Variants in PAK1 observed in about 807,000 individuals in gnomAD.
PAK1 encodes p21 (RAC1) activated kinase 1, also known as serine/threonine-protein kinase PAK 1.
Under a neutral mutation model 67.4 loss-of-function variants are expected in PAK1, and 29 were observed. The observed-to-expected ratio is 0.43, with a 90% CI of 0.32 to 0.59. PAK1 has a LOEUF of 0.59. PAK1 is among the 20% of genes least tolerant of loss of function. The pLI is 0.07. For missense variants in PAK1, 337 were observed against 670.7 expected (o/e 0.50, Z 5.50); for synonymous variants, 223 against 237.4 (o/e 0.94, Z 0.56).
chr11:77,479,602 C>CAT, upstream of PAK1, among the ~76,000 whole-genome samples: 1 of 80,538 alleles, frequency 1.2e-5, no homozygotes, highest in Non-Finnish European at 2.2e-5. Context: ...GAAAAATAAA[C>CAT]TTTTTTTTTT....
intron 1 of PAK1, among the ~76,000 whole-genome samples, chr11:77,465,928 G>A (rs2135530469): frequency 6.6e-6 from 1 of 152,292 alleles, no homozygotes; most frequent in South Asian, 2.1e-4. Context: ...CAACCTGGAT[G>A]ACAGAGCAAG....
At chr11:77,382,972 G>A (rs1466526108) in intron 2 of PAK1, among the ~76,000 whole-genome samples, 1 of 152,156 alleles carries the variant, frequency 6.6e-6, no homozygotes, top group Non-Finnish European at 1.5e-5. Flanking sequence ...ACTCCAGCCT[G>A]GGTGACAGAG....
intron 1 of PAK1, among the ~76,000 whole-genome samples, chr11:77,453,951 C>T (rs914622871): frequency 1.3e-5 from 2 of 152,172 alleles, no homozygotes; most frequent in African/African-American, 4.8e-5. Context: ...GGTATGGTGG[C>T]ACGTGCCTGT....
At chr11:77,339,307 G>A (rs1474274915) in intron 11 of PAK1, among the ~76,000 whole-genome samples, 3 of 151,836 alleles carry the variant, frequency 2.0e-5, no homozygotes, top group Non-Finnish European at 2.9e-5. Flanking sequence ...GTGAAACTTC[G>A]TTCCTGAGGG....
At chr11:77,363,673 CTT>C (rs1371933217) in intron 5 of PAK1, among the ~76,000 whole-genome samples, 1 of 152,128 alleles carries the variant, frequency 6.6e-6, no homozygotes, top group Non-Finnish European at 1.5e-5. Context: ...TGTCCTTTAT[CTT>C]TTTAAAAATA....
intron 1 of PAK1, among the ~76,000 whole-genome samples, chr11:77,428,938 G>A (rs1955706579): frequency 6.6e-6 from 1 of 151,414 alleles, no homozygotes. Context: ...CCTGTGATGG[G>A]GGTGTCAGAA....
rs775839991 is a variant in PAK1, at chr11:77,392,485, G to A, written c.36C>T (p.Pro12=). The change falls in exon 2 of 15, where the codon CCC becomes CCT. Residue 12 remains proline, a synonymous_variant. Coordinates refer to ENST00000356341, the MANE Select transcript of PAK1 (RefSeq NM_002576.5). ...TGGTATTTCTCATCGGAGGGGCTGGGGGTTTGTCTTGAATGTCTAGGCCGT... is the reference window on the plus strand; with the variant it reads ...TGGTATTTCTCATCGGAGGGGCTGGAGGTTTGTCTTGAATGTCTAGGCCGT... The part of the protein sequence containing the change: ...SNNGLDIQDK[P]PAPPMRNTST... 6.2e-7 allele frequency: 1 copy of A among 1,613,270 alleles called. No individual in the cohort carries two copies. Among genetic ancestry groups the A allele is most frequent in the Admixed American group, 1.7e-5 (1 of 59,960 alleles).
chr11:77,395,359 T>C (rs779167340), intron 1 of PAK1, among the ~76,000 whole-genome samples: 41 of 152,338 alleles, frequency 2.7e-4, no homozygotes, highest in Non-Finnish European at 5.1e-4. Context: ...CCAACAATGC[T>C]TTATATAGTA....
intron 2 of PAK1, among the ~76,000 whole-genome samples, chr11:77,385,750 G>A (rs113117715): frequency 0.066 from 10,004 of 152,066 alleles, 1,145 homozygotes; most frequent in African/African-American, 0.23. Flanking sequence ...CCAGCTACTC[G>A]GGAGGCTGAG....
chr11:77,415,831 G>C (rs1225255892), intron 1 of PAK1, among the ~76,000 whole-genome samples: 1 of 151,780 alleles, frequency 6.6e-6, no homozygotes, highest in Admixed American at 6.6e-5. Flanking sequence ...TTAACTTCCT[G>C]TAAGTTTTTA....
At chr11:77,343,669 T>C (rs976336091) in intron 10 of PAK1, 150 bp downstream of exon 10, 2 of 621,700 alleles carry the variant, frequency 3.2e-6, no homozygotes, top group East Asian at 2.7e-5. Flanking sequence ...TGTCCAGCAT[T>C]ACACAGGGTC....
intron 2 of PAK1, among the ~76,000 whole-genome samples, chr11:77,385,663 C>G (rs1950353408): frequency 1.3e-5 from 2 of 152,050 alleles, no homozygotes; most frequent in South Asian, 4.1e-4. Flanking sequence ...CAAGACCAGC[C>G]TGGCCAACAT....
intron 1 of PAK1, among the ~76,000 whole-genome samples, chr11:77,458,684 T>G (rs775286372): frequency 4.6e-5 from 7 of 152,142 alleles, no homozygotes; most frequent in Non-Finnish European, 7.3e-5. Flanking sequence ...CAGGGAGGAA[T>G]GTTTGAGTGG....
intron 1 of PAK1, among the ~76,000 whole-genome samples, chr11:77,465,393 A>G (rs923276035): frequency 1.3e-5 from 2 of 152,160 alleles, no homozygotes; most frequent in Non-Finnish European, 2.9e-5. Context: ...GAGACTCTAT[A>G]TAAAAGGGTT....
intron 1 of PAK1, among the ~76,000 whole-genome samples, chr11:77,437,185 A>C (rs1329230020): frequency 6.6e-6 from 1 of 152,210 alleles, no homozygotes; most frequent in Non-Finnish European, 1.5e-5. Context: ...ATCTGTTCCC[A>C]TCTGTAAAAC....
At chr11:77,434,933 AT>A (rs1023544549) in intron 1 of PAK1, among the ~76,000 whole-genome samples, 3 of 148,818 alleles carry the variant, frequency 2.0e-5, no homozygotes, top group African/African-American at 4.9e-5. Context: ...TAATTTTTGA[AT>A]TTTTTTTTTG....
rs769876664 is a variant in PAK1, at chr11:77,336,218, G to T, written c.1281C>A (p.Thr427=). The change falls in exon 13 of 15, where the codon ACC becomes ACA. Residue 427 remains threonine, a synonymous_variant. Transcript: ENST00000356341. ...EQSKRSTMVG[T]PYWMAPEVVT... ...CAACCTCTGGTGCCATCCAGTATGGGGTTCCTACCATGGTGCTCCGTTTGC... is the reference window on the plus strand; with the variant it reads ...CAACCTCTGGTGCCATCCAGTATGGTGTTCCTACCATGGTGCTCCGTTTGC... The T allele has an allele frequency of 6.2e-7, 1 of 1,614,000 alleles. No individual in the cohort carries two copies. The highest frequency in any genetic ancestry group is 2.2e-5 in the East Asian group (1 of 44,888).
chr11:77,507,129 G>C, the PAK1 span, among the ~76,000 whole-genome samples: 2 of 152,224 alleles, frequency 1.3e-5, no homozygotes, highest in Non-Finnish European at 2.9e-5. Context: ...GAGCTACACA[G>C]CTGGTCAGCA....
At position 77,371,434 on chromosome 11, in the gene PAK1, T is replaced by G. The variant is rs191955375; in HGVS notation, c.477+2894A>C. ...GGATTAAGACAGTGCACGTTCATTT[T>G]TGTGTCACTTGTATTTTGGCATAAA... On this transcript the variant is annotated intron_variant, in intron 5 of 14. Coordinates refer to ENST00000356341, the MANE Select transcript of PAK1 (RefSeq NM_002576.5). Among the ~76,000 whole-genome samples, 88 of 152,352 alleles carry G rather than the reference T, an allele frequency of 5.8e-4. 1 individual carries two copies. In the Middle Eastern group the frequency reaches 0.017, roughly 29 times the overall value.
Sources: gnomAD v4.1 joint callset for allele counts (sites outside exome capture counted in the v4.1 genomes callset) on GRCh38, gnomAD v4.1.1 for gene constraint, MANE v1.5 for transcripts, NCBI Gene and HGNC (gene_info 2026-07-23, HGNC 2026-07-21) for gene names.